SLC38A12: variants seen among roughly 807,000 people sequenced by gnomAD.
SLC38A12 encodes the protein putative sodium-coupled neutral amino acid transporter 12.
the SLC38A12 span, among the ~76,000 whole-genome samples, chr17:74,798,579 G>A: frequency 5.3e-3 from 804 of 151,926 alleles, 8 homozygotes; most frequent in African/African-American, 0.019. Context: ...CAGGGTGCTG[G>A]GGGGTGGAGG....
chr17:74,790,221 T>A, the SLC38A12 span: 1 of 1,614,078 alleles, frequency 6.2e-7, no homozygotes, highest in Non-Finnish European at 8.5e-7. Context: ...TGACGACTCC[T>A]CCACAGCCTC....
At chr17:74,831,643 T>C in the SLC38A12 span, among the ~76,000 whole-genome samples, 2 of 152,172 alleles carry the variant, frequency 1.3e-5, no homozygotes, top group Non-Finnish European at 2.9e-5. Flanking sequence ...TGGGTGGATG[T>C]GGATGCGGAT....
chr17:74,777,210 T>A, the SLC38A12 span: 1 of 1,163,788 alleles, frequency 8.6e-7, no homozygotes, highest in Non-Finnish European at 1.3e-6. Context: ...GCAAGCCTCC[T>A]CCCACCCCTG....
the SLC38A12 span, among the ~76,000 whole-genome samples, chr17:74,814,637 C>CAGGCACTGCCCCCCGCAGG: frequency 6.6e-6 from 1 of 152,200 alleles, no homozygotes; most frequent in Non-Finnish European, 1.5e-5. Flanking sequence ...TTTGCCAAGT[C>CAGGCACTGCCCCCCGCAGG]AGGCACTGCC....
chr17:74,816,394 A>C, the SLC38A12 span, among the ~76,000 whole-genome samples: 1 of 152,218 alleles, frequency 6.6e-6, no homozygotes, highest in Non-Finnish European at 1.5e-5. Flanking sequence ...AGCGCATGTA[A>C]GGGACACAGG....
the SLC38A12 span, among the ~76,000 whole-genome samples, chr17:74,819,133 A>G: frequency 6.6e-6 from 1 of 152,152 alleles, no homozygotes; most frequent in East Asian, 1.9e-4. Flanking sequence ...TTCCTTGGTC[A>G]TCCCGGGTAC....
chr17:74,827,510 G>A, the SLC38A12 span, among the ~76,000 whole-genome samples: 1,277 of 152,172 alleles, frequency 8.4e-3, 22 homozygotes, highest in African/African-American at 0.028. The surrounding 1 kb of genome is among the most constrained non-coding windows in gnomAD (Gnocchi z 4.7). Context: ...TGGCCAGGCT[G>A]GTCTCGAACT....
the SLC38A12 span, among the ~76,000 whole-genome samples, chr17:74,833,266 C>G: frequency 6.6e-6 from 1 of 152,218 alleles, no homozygotes; most frequent in African/African-American, 2.4e-5. Context: ...CTGCCTGCCT[C>G]GGCCTCCCAA....
At chr17:74,818,851 A>G in the SLC38A12 span, among the ~76,000 whole-genome samples, 3 of 152,154 alleles carry the variant, frequency 2.0e-5, no homozygotes, top group Non-Finnish European at 4.4e-5. Flanking sequence ...CTACTCCCTG[A>G]GCAACCAATT....
chr17:74,781,077 C>G, the SLC38A12 span, among the ~76,000 whole-genome samples: 11 of 152,206 alleles, frequency 7.2e-5, no homozygotes, highest in East Asian at 2.1e-3. Context: ...ACCTAGTGGG[C>G]AAAGGCCGGG....
At chr17:74,836,960 A>G in the SLC38A12 span, 1 of 1,261,138 alleles carries the variant, frequency 7.9e-7, no homozygotes, top group East Asian at 3.4e-5. The surrounding 1 kb of genome is among the most constrained non-coding windows in gnomAD (Gnocchi z 4.2). Context: ...TACTGGAATC[A>G]CACCTCTCCC....
the SLC38A12 span, chr17:74,838,329 C>A: frequency 1.0e-6 from 1 of 989,370 alleles, no homozygotes; most frequent in South Asian, 4.6e-5. Context: ...AGAGCAGGGG[C>A]CTGCAGTGGT....
chr17:74,830,379 T>A, the SLC38A12 span, among the ~76,000 whole-genome samples: 1 of 152,208 alleles, frequency 6.6e-6, no homozygotes, highest in South Asian at 2.1e-4. Flanking sequence ...GGCTCACCTG[T>A]CCTCCTCCCT....
chr17:74,804,532 A>G, the SLC38A12 span, among the ~76,000 whole-genome samples: 5 of 152,256 alleles, frequency 3.3e-5, no homozygotes, highest in African/African-American at 1.2e-4. Context: ...ATGAATTAGC[A>G]TAAGCCCGGA....
At chr17:74,782,403 T>G in the SLC38A12 span, among the ~76,000 whole-genome samples, 1 of 152,074 alleles carries the variant, frequency 6.6e-6, no homozygotes, top group Non-Finnish European at 1.5e-5. Flanking sequence ...TCCTCCTCCT[T>G]AGAACGTAGC....
the SLC38A12 span, among the ~76,000 whole-genome samples, chr17:74,834,413 G>A: frequency 1.3e-5 from 2 of 152,014 alleles, no homozygotes; most frequent in Admixed American, 6.5e-5. Context: ...TTCTCAGGCC[G>A]GTTTCCACGC....
chr17:74,808,259 C>CA, the SLC38A12 span, among the ~76,000 whole-genome samples: 33 of 152,228 alleles, frequency 2.2e-4, no homozygotes, highest in Non-Finnish European at 4.4e-4. Context: ...ACAGCCCTTC[C>CA]ATCAGGATGT....
chr17:74,787,856 C>T, the SLC38A12 span, among the ~76,000 whole-genome samples: 92,783 of 150,666 alleles, frequency 0.62, 28,883 homozygotes, highest in Non-Finnish European at 0.64. Context: ...TGCAGTGGCA[C>T]GATCTCGGCT....
the SLC38A12 span, chr17:74,795,415 A>G: frequency 1.1e-6 from 1 of 939,208 alleles, no homozygotes; most frequent in South Asian, 1.6e-5. Flanking sequence ...GGTTTGTGAA[A>G]AGTCTGATTG....
Sources: allele counts gnomAD v4.1 joint callset (sites outside exome capture counted in the v4.1 genomes callset), GRCh38; gene constraint gnomAD v4.1.1; non-coding constraint Gnocchi (gnomAD v3.1); transcripts MANE v1.5; gene names NCBI Gene and HGNC (gene_info 2026-07-23, HGNC 2026-07-21).